Variants in TPP2 observed in about 807,000 individuals in gnomAD.
The protein encoded by TPP2 is tripeptidyl-peptidase 2.
Under a neutral mutation model 155.9 loss-of-function variants are expected in TPP2, and 34 were observed. That is an observed-to-expected ratio of 0.22 (90% CI 0.17 to 0.29). TPP2 has a LOEUF of 0.29. Among genes scored for constraint, TPP2 ranks in the 10% least tolerant of loss-of-function variants. The pLI is 1.00. For synonymous variants in TPP2, 510 were observed against 529.4 expected (o/e 0.96, Z 0.50); for missense variants, 1,028 against 1,522.3 (o/e 0.68, Z 5.40).
intron 8 of TPP2, among the ~76,000 whole-genome samples, chr13:102,628,814 A>C (rs1009445921): frequency 6.6e-6 from 1 of 151,764 alleles, no homozygotes; most frequent in Admixed American, 6.6e-5. Context: ...ATTTTACTTA[A>C]CTGTATTTCT....
chr13:102,671,946 T>C (rs925021971), intron 27 of TPP2, among the ~76,000 whole-genome samples: 8 of 152,148 alleles, frequency 5.3e-5, no homozygotes, highest in African/African-American at 1.9e-4. Flanking sequence ...ATAACTGTTG[T>C]CCCATGATGA....
rs1231191881 is a variant in TPP2 at position 102,622,991 on chromosome 13, C to T, written c.735C>T (p.Ser245=). 8.7e-6 allele frequency: 14 copies of T among 1,613,782 alleles called. No individual in the cohort carries two copies. The highest frequency in any genetic ancestry group is 4.0e-5 in the African/African-American group (3 of 74,866). Residue 245 remains serine (S), a synonymous_variant, in exon 6 of 30, where the codon TCC becomes TCT. Coordinates refer to ENST00000376052, the MANE Select transcript of TPP2 (RefSeq NM_001330588.2). ...GCACAGCTGAGATGTTGAATTACTC[C>T]GTTAATATATACGATGATGGAAACC... The part of the protein sequence containing the change: ...SFGTAEMLNY[S]VNIYDDGNLL...
In TPP2 at chr13:102,649,947, C is replaced by T. The variant is rs866260250; in HGVS notation, c.2952+461C>T. 9.9e-5 allele frequency among the ~76,000 whole-genome samples: 15 copies of T among 152,212 alleles called. 1 individual carries two copies. The South Asian group carries it at 1.5e-3, about 15-fold the overall frequency. On this transcript the variant is annotated intron_variant, in intron 23 of 29. Transcript: ENST00000376052. The stretch of plus-strand genomic sequence containing the variant: ...AGTAGTCAGAACAATTACCCTAAAA[C>T]ATGTTTCTTCACACTTCTACAGACC...
intron 16 of TPP2, 85 bp downstream of exon 16, chr13:102,640,461 C>A: frequency 2.0e-6 from 2 of 1,019,464 alleles, no homozygotes; most frequent in Non-Finnish European, 3.0e-6. Flanking sequence ...TTATCTGTAG[C>A]ATGTATTTCC....
chr13:102,617,232 A>G lies in TPP2; in HGVS notation c.495+732A>G, dbSNP rs1324945541. On this transcript the variant is annotated intron_variant, in intron 4 of 29. Transcript: ENST00000376052. Reference sequence around the variant, plus strand: ...CCCGGCCTATGTATTCTCTAATTATATGTATTATTGTCACTTTTAAAAAGG... The same window carrying G: ...CCCGGCCTATGTATTCTCTAATTATGTGTATTATTGTCACTTTTAAAAAGG... Among the ~76,000 whole-genome samples the G allele has an allele frequency of 2.0e-5, 3 of 152,086 alleles. No individual in the cohort carries two copies. The East Asian group carries it at 5.8e-4, about 29-fold the overall frequency.
intron 4 of TPP2, among the ~76,000 whole-genome samples, chr13:102,617,155 A>C (rs1235390653): frequency 2.6e-5 from 4 of 151,624 alleles, no homozygotes; most frequent in Non-Finnish European, 5.9e-5. Context: ...ACCTTGTGAT[A>C]CGCCCACCTT....
intron 28 of TPP2, among the ~76,000 whole-genome samples, chr13:102,675,874 A>G (rs773864499): frequency 6.6e-6 from 1 of 152,218 alleles, no homozygotes; most frequent in African/African-American, 2.4e-5. Flanking sequence ...TGACAGATGC[A>G]GTAATTACAG....
At chr13:102,669,849 A>C (rs1884855560) in intron 27 of TPP2, among the ~76,000 whole-genome samples, 2 of 152,166 alleles carry the variant, frequency 1.3e-5, no homozygotes, top group South Asian at 4.1e-4. Context: ...AAATGTATGT[A>C]ATAAAAATAG....
chr13:102,604,393 C>CT (rs552912117), intron 1 of TPP2, among the ~76,000 whole-genome samples: 57 of 151,972 alleles, frequency 3.8e-4, no homozygotes, highest in African/African-American at 1.3e-3. Flanking sequence ...CTGACATGTT[C>CT]TTTTTTTTCC....
chr13:102,649,549 A>C (rs1029728421), intron 23 of TPP2, 63 bp downstream of exon 23: 2 of 1,403,722 alleles, frequency 1.4e-6, no homozygotes, highest in Non-Finnish European at 2.0e-6. Context: ...TTTAAAGATA[A>C]GAATTAATTC....
At chr13:102,640,833 G>A (rs1049415373) in intron 16 of TPP2, among the ~76,000 whole-genome samples, 4 of 151,716 alleles carry the variant, frequency 2.6e-5, no homozygotes, top group African/African-American at 9.7e-5. Flanking sequence ...TGTATTTTTA[G>A]TAGACACGAG....
At chr13:102,664,335 A>ACT (rs1884448548) in intron 26 of TPP2, among the ~76,000 whole-genome samples, 1 of 152,078 alleles carries the variant, frequency 6.6e-6, no homozygotes. Context: ...TATAATGTTT[A>ACT]CTCTCATCTT....
rs1427674027 is a variant in TPP2, at chr13:102,624,923, G to T, written c.784+1883G>T. ...GCCCAGGCTGGAGTACAGGTGGCAC[G>T]GTCTCGGCTCACTGCAACCTCTGCC... is the stretch of plus-strand genomic sequence containing the variant. On this transcript the variant is annotated intron_variant, in intron 6 of 29. Coordinates refer to ENST00000376052, the MANE Select transcript of TPP2 (RefSeq NM_001330588.2). Among the ~76,000 whole-genome samples the T allele has an allele frequency of 2.9e-5, 4 of 139,464 alleles. No individual in the cohort carries two copies. In the East Asian group the frequency reaches 8.6e-4, roughly 30 times the overall value. 91.5% of individuals were successfully genotyped at this position (139,464 alleles called of 152,430 possible).
chr13:102,677,121 A>G (rs966894669), intron 29 of TPP2, among the ~76,000 whole-genome samples: 6 of 152,210 alleles, frequency 3.9e-5, no homozygotes, highest in Non-Finnish European at 7.3e-5. Flanking sequence ...AGAGTAAGCT[A>G]TATTCATATT....
At chr13:102,630,047 C>A in intron 9 of TPP2, 49 bp from the exon 10 acceptor site, 1 of 1,515,036 alleles carries the variant, frequency 6.6e-7, no homozygotes, top group Non-Finnish European at 9.1e-7. Flanking sequence ...GATTTGGAAT[C>A]AGGATCCCCG....
In TPP2 at chr13:102,679,478, T is replaced by C. The variant is rs1311470134; in HGVS notation, c.*1162T>C. On this transcript the variant is annotated 3_prime_UTR_variant, in exon 30 of 30. Transcript: ENST00000376052. ...AATGGCAAATTGTGTGTATGTATGA[T>C]TTTTTTATCTTGTTCTCTTAAGATT... The C allele has an allele frequency of 1.3e-5, 2 of 152,238 alleles. No homozygotes were observed. Among genetic ancestry groups the C allele is most frequent in the African/African-American group, 4.8e-5 (2 of 41,460 alleles). The allele number at this position is 152,238 out of a possible 1,614,324, so 9.4% of individuals were successfully genotyped here. A position where few individuals can be genotyped will look rare whatever the true frequency, so the allele number is the denominator to read the frequency against.
Position 102,596,999 on chromosome 13 carries a change from C to G in TPP2, c.-40C>G, listed in dbSNP as rs761393778. 1 of 1,600,490 alleles carries G rather than the reference C, an allele frequency of 6.2e-7. No individual in the cohort carries two copies. The highest frequency in any genetic ancestry group is 1.4e-5 in the African/African-American group (1 of 73,350). ...CCTCGCGCTGCTAGTCCGCGCGCAGCCTGGCAGTTTGCCGCTTCCTCGTCC... is the reference window on the plus strand; with the variant it reads ...CCTCGCGCTGCTAGTCCGCGCGCAGGCTGGCAGTTTGCCGCTTCCTCGTCC... On this transcript the variant is annotated 5_prime_UTR_variant, in exon 1 of 30. Transcript: ENST00000376052.
In TPP2 at chr13:102,622,960, C is replaced by G. The variant is rs1442333874; in HGVS notation, c.704C>G (p.Ser235Cys). The G allele has an allele frequency of 2.5e-6, 4 of 1,614,028 alleles. No homozygotes were observed. In the African/African-American group the frequency reaches 4.0e-5, roughly 16 times the overall value. Residue 235 changes from serine to cysteine, a missense_variant, in exon 6 of 30, where the codon TCT becomes TGT. Transcript: ENST00000376052. ...TACAAAGAAGCCCAAGAATATGGCT[C>G]TTTTGGCACAGCTGAGATGTTGAAT... ...RNYKEAQEYG[S>C]FGTAEMLNYS...
intron 27 of TPP2, among the ~76,000 whole-genome samples, chr13:102,666,324 A>G (rs1372400026): frequency 6.6e-6 from 1 of 152,212 alleles, no homozygotes; most frequent in Admixed American, 6.5e-5. Context: ...CTTCTTGAGA[A>G]GGTTAACATA....
Sources: gnomAD v4.1 joint callset for allele counts (sites outside exome capture counted in the v4.1 genomes callset) on GRCh38, gnomAD v4.1.1 for gene constraint, MANE v1.5 for transcripts, NCBI Gene and HGNC (gene_info 2026-07-23, HGNC 2026-07-21) for gene names.